The following LIPJ variants were observed in gnomAD, a reference collection of about 807,000 sequenced individuals.
LIPJ encodes lipase member J.
Under a neutral mutation model 39.8 loss-of-function variants are expected in LIPJ, and 33 were observed. That is an observed-to-expected ratio of 0.83 (90% CI 0.63 to 1.11). The LOEUF (loss-of-function observed/expected upper bound fraction) is 1.11. Among genes scored for constraint, LIPJ ranks in the 50% least tolerant of loss-of-function variants. The pLI is 0.00. For missense variants in LIPJ, 422 were observed against 427.9 expected (o/e 0.99, Z 0.12); for synonymous variants, 128 against 139.2 (o/e 0.92, Z 0.57).
In LIPJ at chr10:88,605,914, G is replaced by A. The variant is rs569841844; in HGVS notation, c.867+210G>A. ...TATGTATTTTAACAACAAATAACCCGGATAAGTCCAGAAAAATTGACAGGC... is the reference window on the plus strand; with the variant it reads ...TATGTATTTTAACAACAAATAACCCAGATAAGTCCAGAAAAATTGACAGGC... On this transcript the variant is annotated intron_variant, in intron 10 of 10. Coordinates refer to ENST00000371939, the Ensembl canonical transcript of LIPJ. Among the ~76,000 whole-genome samples the A allele has an allele frequency of 5.3e-5, 8 of 152,154 alleles. 1 individual carries two copies. The East Asian group carries it at 7.7e-4, about 15-fold the overall frequency.
intron 6 of LIPJ, 29 bp downstream of exon 6, chr10:88,594,805 C>A (rs1190102211): frequency 2.8e-6 from 3 of 1,081,666 alleles, no homozygotes; most frequent in South Asian, 1.7e-5. Flanking sequence ...TTGCTAATAT[C>A]CCTTAATTTC....
At chr10:88,612,597 A>G in the LIPJ span, among the ~76,000 whole-genome samples, 117 of 152,306 alleles carry the variant, frequency 7.7e-4, no homozygotes, top group African/African-American at 2.5e-3. Context: ...TTTATGTCAG[A>G]CAAAACAAAC....
chr10:88,604,009 AG>A, intron 9 of LIPJ, among the ~76,000 whole-genome samples: 1 of 152,346 alleles, frequency 6.6e-6, no homozygotes, highest in African/African-American at 2.4e-5. Flanking sequence ...GAACAAAACA[AG>A]AACTCCTGTC....
At chr10:88,588,552 T>C (rs1238080506) in intron 2 of LIPJ, among the ~76,000 whole-genome samples, 2 of 151,894 alleles carry the variant, frequency 1.3e-5, no homozygotes, top group African/African-American at 4.8e-5. Flanking sequence ...ATAAATGAGC[T>C]TTTCCATTCA....
At chr10:88,602,578 T>A in exon 9 of LIPJ, 1 of 1,501,872 alleles carries the variant, frequency 6.7e-7, no homozygotes, top group Non-Finnish European at 9.0e-7. Flanking sequence ...CCCCTCAGAG[T>A]CGTTTGGATG....
upstream of LIPJ, chr10:88,583,107 C>A (rs1327182164): frequency 5.0e-6 from 8 of 1,614,024 alleles, no homozygotes; most frequent in Non-Finnish European, 6.8e-6. Context: ...CAGCAAGGTA[C>A]AAGGGACCGG....
intron 4 of LIPJ, 168 bp downstream of exon 4, chr10:88,591,666 C>G (rs1470179788): frequency 2.2e-6 from 1 of 459,208 alleles, no homozygotes; most frequent in African/African-American, 2.0e-5. Context: ...AGAAGATACA[C>G]CGGCCTTCTG....
chr10:88,612,746 C>T, the LIPJ span, among the ~76,000 whole-genome samples: 2 of 152,030 alleles, frequency 1.3e-5, no homozygotes, highest in Admixed American at 1.3e-4. Flanking sequence ...ACAATTACGA[C>T]TAGACCTAAG....
chr10:88,622,006 C>A, the LIPJ span, among the ~76,000 whole-genome samples: 1 of 152,138 alleles, frequency 6.6e-6, no homozygotes, highest in Admixed American at 6.5e-5. Context: ...CCTGCTCAGA[C>A]CCAGTTTAAC....
intron 3 of LIPJ, 88 bp from the exon 4 acceptor site, chr10:88,591,290 T>C: frequency 1.0e-6 from 1 of 962,768 alleles, no homozygotes; most frequent in Non-Finnish European, 1.5e-6. Context: ...CCAAGGTTCA[T>C]TGTCACATAA....
At chr10:88,587,483 G>C (rs559104531) in intron 2 of LIPJ, 91 bp downstream of exon 2, 4 of 152,136 alleles carry the variant, frequency 2.6e-5, no homozygotes, top group African/African-American at 9.6e-5. Flanking sequence ...TAATTCTCAA[G>C]TCATCTTTTA....
At chr10:88,616,593 T>C in the LIPJ span, among the ~76,000 whole-genome samples, 258 of 152,246 alleles carry the variant, frequency 1.7e-3, no homozygotes, top group Non-Finnish European at 2.8e-3. Context: ...AAGGAGGACT[T>C]CCATGGGATT....
upstream of LIPJ, chr10:88,583,314 G>A (rs1850772966): frequency 6.9e-7 from 1 of 1,442,084 alleles, no homozygotes; most frequent in Non-Finnish European, 9.1e-7. Flanking sequence ...GCCGACCTGG[G>A]CCCTGAGCTT....
rs189924989 is a variant in LIPJ at position 88,596,515 on chromosome 10, G to A, written c.576+99G>A. ...ACTATACGTAGACAACCACAAGTAT[G>A]GATTGAAATTTTTGGTTTCATTTAC... is the stretch of plus-strand genomic sequence containing the variant. On this transcript the variant is annotated intron_variant, in intron 7 of 10. Coordinates refer to ENST00000371939, the Ensembl canonical transcript of LIPJ. The A allele has an allele frequency of 7.3e-5, 95 of 1,304,544 alleles. 1 individual carries two copies. In the Admixed American group the frequency reaches 2.6e-3, roughly 36 times the overall value. The allele number at this position is 1,304,544 out of a possible 1,614,324, so 80.8% of individuals were successfully genotyped here. A position where few individuals can be genotyped will look rare whatever the true frequency, so the allele number is the denominator to read the frequency against.
chr10:88,587,732 T>C (rs1285252211), intron 2 of LIPJ, among the ~76,000 whole-genome samples: 4 of 152,042 alleles, frequency 2.6e-5, no homozygotes, highest in Non-Finnish European at 4.4e-5. Flanking sequence ...ATTTGCTCCA[T>C]GGAATAGTAT....
intron 8 of LIPJ, among the ~76,000 whole-genome samples, chr10:88,597,697 T>TC (rs1374313938): frequency 6.6e-6 from 1 of 151,958 alleles, no homozygotes; most frequent in Non-Finnish European, 1.5e-5. Context: ...TGTTCAACCT[T>TC]ACTTTATTTT....
upstream of LIPJ, among the ~76,000 whole-genome samples, chr10:88,586,206 A>G (rs1850911165): frequency 6.6e-6 from 1 of 152,160 alleles, no homozygotes; most frequent in African/African-American, 2.4e-5. Context: ...GGAAATAGCC[A>G]TAGTGGTTTG....
At chr10:88,607,971 G>A (rs376930087), downstream of LIPJ, among the ~76,000 whole-genome samples, 69 of 152,312 alleles carry the variant, frequency 4.5e-4, no homozygotes, top group African/African-American at 1.5e-3. Context: ...GGTTCTCACA[G>A]TAAATATTGG....
chr10:88,620,104 T>C, the LIPJ span, among the ~76,000 whole-genome samples: 1 of 151,552 alleles, frequency 6.6e-6, no homozygotes, highest in African/African-American at 2.4e-5. Flanking sequence ...ATGGGAAAAC[T>C]TTTTTTTTGT....
Sources: gnomAD v4.1 joint callset for allele counts (sites outside exome capture counted in the v4.1 genomes callset) on GRCh38, gnomAD v4.1.1 for gene constraint, MANE v1.5 for transcripts, NCBI Gene and HGNC (gene_info 2026-07-23, HGNC 2026-07-21) for gene names.